TBL1X: variants seen among roughly 807,000 people sequenced by gnomAD.
TBL1X encodes F-box-like/WD repeat-containing protein TBL1X.
In TBL1X, 10 loss-of-function variants were observed where a neutral mutation model predicts 50.7. That is an observed-to-expected ratio of 0.20 (90% confidence interval 0.12 to 0.33). TBL1X has a LOEUF of 0.33. Ranked by LOEUF, TBL1X falls within the 10% of genes least tolerant of loss-of-function variation. TBL1X has a pLI of 1.00. For missense variants in TBL1X, 340 were observed against 504.4 expected (o/e 0.67, Z 3.12); for synonymous variants, 190 against 214.7 (o/e 0.88, Z 1.01).
intron 2 of TBL1X, among the ~76,000 whole-genome samples, chrX:9,609,342 T>TGTGTGTGTGC (rs1460974583): frequency 9.6e-6 from 1 of 104,441 alleles, no homozygotes; most frequent in African/African-American, 3.5e-5. Context: ...TCCAGGTGTG[T>TGTGTGTGTGC]GTGTGTGTGT....
At chrX:9,701,417 C>G (rs2083170649) in intron 12 of TBL1X, among the ~76,000 whole-genome samples, 1 of 109,392 alleles carries the variant, frequency 9.1e-6, no homozygotes, top group African/African-American at 3.3e-5. Flanking sequence ...GCTGCAGGAG[C>G]TGACTCAGAG....
At chrX:9,660,208 C>T (rs181939568) in intron 5 of TBL1X, among the ~76,000 whole-genome samples, 15 of 112,501 alleles carry the variant, frequency 1.3e-4, no homozygotes, top group African/African-American at 4.8e-4. Context: ...GAAAACCCAG[C>T]GAAGTATTTC....
chrX:9,568,322 C>G (rs187247156), intron 2 of TBL1X, among the ~76,000 whole-genome samples: 192 of 105,274 alleles, frequency 1.8e-3, no homozygotes, highest in African/African-American at 6.5e-3. Context: ...TGTTGTGTGT[C>G]TCTGGCGGGC....
At chrX:9,557,650 A>G (rs2082307031) in intron 2 of TBL1X, among the ~76,000 whole-genome samples, 1 of 111,443 alleles carries the variant, frequency 9.0e-6, no homozygotes, top group Non-Finnish European at 1.9e-5. Flanking sequence ...TACTTTTGAA[A>G]TAGTGACCTT....
At position 9,653,529 on chromosome X, in the gene TBL1X, T is replaced by C; in HGVS notation, c.-42-16T>C. The C allele has an allele frequency of 2.9e-6, 3 of 1,040,739 alleles. No homozygotes were observed. Among genetic ancestry groups the C allele is most frequent in the Non-Finnish European group, 3.9e-6 (3 of 765,926 alleles). The allele number at this position is 1,040,739 out of a possible 1,213,427, so 85.8% of individuals were successfully genotyped here. A position where few individuals can be genotyped will look rare whatever the true frequency, so the allele number is the denominator to read the frequency against. On this transcript the variant is annotated splice_polypyrimidine_tract_variant and intron_variant, in intron 3 of 17. Coordinates refer to ENST00000645353, the MANE Select transcript of TBL1X (RefSeq NM_005647.4). ...CAGAGGTGCTCCCTGCCTTCTGTGT[T>C]CTGGTTTTCCACCAGGAGCCCTGGC...
intron 2 of TBL1X, among the ~76,000 whole-genome samples, chrX:9,602,114 T>C (rs762954284): frequency 1.4e-4 from 16 of 112,411 alleles, no homozygotes; most frequent in Non-Finnish European, 2.6e-4. Context: ...TACAATATGA[T>C]TTTGTTTCCA....
chrX:9,718,697 G>A lies in TBL1X; in HGVS notation c.*2451G>A, dbSNP rs898566306. The A allele has an allele frequency of 8.9e-6, 1 of 112,187 alleles. No individual in the cohort carries two copies. The highest frequency in any genetic ancestry group is 1.9e-5 in the Non-Finnish European group (1 of 53,293). 9.2% of individuals were successfully genotyped at this position (112,187 alleles called of 1,213,427 possible). ...CTGTGGGATGGCGATGGTGGGATGTGTCGCAAGCAATTCACTAGACAATCT... is the reference window on the plus strand; with the variant it reads ...CTGTGGGATGGCGATGGTGGGATGTATCGCAAGCAATTCACTAGACAATCT... On this transcript the variant is annotated 3_prime_UTR_variant, in exon 18 of 18. Coordinates refer to ENST00000645353, the MANE Select transcript of TBL1X (RefSeq NM_005647.4).
chrX:9,466,910 C>T (rs953809904), intron 1 of TBL1X, among the ~76,000 whole-genome samples: 2 of 112,044 alleles, frequency 1.8e-5, no homozygotes, highest in African/African-American at 3.2e-5. Flanking sequence ...ATCACCGGCC[C>T]TTAAGGCGAT....
chrX:9,542,697 G>A (rs1427381768), intron 2 of TBL1X, among the ~76,000 whole-genome samples: 1 of 112,116 alleles, frequency 8.9e-6, no homozygotes, highest in African/African-American at 3.2e-5. Context: ...GGGAAACTGG[G>A]ACCCTGTTAG....
chrX:9,668,271 G>T (rs1363984516), intron 5 of TBL1X, among the ~76,000 whole-genome samples: 2 of 109,960 alleles, frequency 1.8e-5, no homozygotes, highest in Non-Finnish European at 3.8e-5. Context: ...GTCTTGTGTT[G>T]CTCCTTTTCA....
intron 2 of TBL1X, among the ~76,000 whole-genome samples, chrX:9,531,394 T>TGTGTGTGTGTGTGTTG (rs2082160689): frequency 9.4e-6 from 1 of 106,617 alleles, no homozygotes; most frequent in Non-Finnish European, 1.9e-5. Context: ...TGTGTGTGTG[T>TGTGTGTGTGTGTGTTG]GTGTGTGTTG....
chrX:9,568,646 C>A (rs759861351), intron 2 of TBL1X, among the ~76,000 whole-genome samples: 17 of 97,732 alleles, frequency 1.7e-4, no homozygotes, highest in Middle Eastern at 0.013. Context: ...GTGCAAGGTG[C>A]TATGTGTATG....
intron 2 of TBL1X, among the ~76,000 whole-genome samples, chrX:9,629,624 T>A (rs1461762797): frequency 8.9e-6 from 1 of 112,152 alleles, no homozygotes; most frequent in Admixed American, 9.5e-5. Flanking sequence ...CAGAGTGTAT[T>A]TATTAAAATG....
intron 17 of TBL1X, among the ~76,000 whole-genome samples, chrX:9,715,313 C>T (rs755201179): frequency 1.8e-5 from 2 of 112,215 alleles, no homozygotes; most frequent in South Asian, 3.7e-4. Context: ...AGTCATGTGT[C>T]GCTTAATGAC....
intron 2 of TBL1X, among the ~76,000 whole-genome samples, chrX:9,554,914 C>T (rs988111191): frequency 1.8e-5 from 2 of 111,401 alleles, no homozygotes; most frequent in Non-Finnish European, 1.9e-5. Flanking sequence ...TCCTCCCCAG[C>T]CCCTGGCGGC....
intron 1 of TBL1X, among the ~76,000 whole-genome samples, chrX:9,492,873 GTGTGTGTGTGTGTGTGTGTGT>G (rs1237162318): frequency 0.03 from 1,494 of 50,006 alleles, 55 homozygotes; most frequent in Admixed American, 0.1. Flanking sequence ...GTGTGTGTGT[GTGTGTGTGTGTGTGTGTGTGT>G]GTGTAGGGGA....
intron 2 of TBL1X, among the ~76,000 whole-genome samples, chrX:9,579,590 T>C (rs763228333): frequency 6.3e-5 from 7 of 111,634 alleles, no homozygotes; most frequent in Middle Eastern, 4.2e-3. Context: ...TCATTTTCCT[T>C]TACACCACAG....
intron 2 of TBL1X, among the ~76,000 whole-genome samples, chrX:9,609,336 G>GGTGTGTGTGTGTGTGTGT (rs775969638): frequency 4.5e-4 from 43 of 94,773 alleles, no homozygotes; most frequent in African/African-American, 1.3e-3. Context: ...TTTTCTTCCA[G>GGTGTGTGTGTGTGTGTGT]GTGTGTGTGT....
chrX:9,715,473 G>T (rs1470684817), intron 17 of TBL1X, among the ~76,000 whole-genome samples: 1 of 111,790 alleles, frequency 8.9e-6, no homozygotes, highest in Non-Finnish European at 1.9e-5. Context: ...CTGGACAGCG[G>T]GTGACCATAC....
Sources: allele counts gnomAD v4.1 joint callset (sites outside exome capture counted in the v4.1 genomes callset), GRCh38; gene constraint gnomAD v4.1.1; transcripts MANE v1.5; gene names NCBI Gene and HGNC (gene_info 2026-07-23, HGNC 2026-07-21).